IQANK1: variants seen among roughly 807,000 people sequenced by gnomAD.
IQANK1 encodes IQ motif and ankyrin repeat domain-containing protein 1.
IQANK1 carries 30 observed loss-of-function variants against 22.6 expected under a neutral mutation model. That is an observed-to-expected ratio of 1.33 (90% CI 0.99 to 1.80). The LOEUF (loss-of-function observed/expected upper bound fraction) is 1.80, where lower values mean the gene tolerates loss of function less well. Ranked by LOEUF, IQANK1 falls within the 40% of genes most tolerant of loss-of-function variation. The pLI, the probability that IQANK1 is intolerant of heterozygous loss-of-function variation, is 0.00. For synonymous variants in IQANK1, 122 were observed against 99.6 expected, an observed-to-expected ratio of 1.23 and a Z score of -1.34; for missense variants, 275 against 235.2, an observed-to-expected ratio of 1.17 and a Z score of -1.11.
At position 143,771,759 on chromosome 8, in the gene IQANK1, G is replaced by T; in HGVS notation, c.307-42G>T. 1 of 397,362 alleles carries T rather than the reference G, an allele frequency of 2.5e-6. No homozygotes were observed. The highest frequency in any genetic ancestry group is 1.3e-4 in the South Asian group (1 of 7,770). The allele number at this position is 397,362 out of a possible 1,614,324, so 24.6% of individuals were successfully genotyped here. The stretch of plus-strand genomic sequence containing the variant: ...GGACCGTGGCCTCGGGGCTCGGGGC[G>T]GTGGCGCGGAGTGGGCGGTGACTTC... On this transcript the variant is annotated intron_variant, in intron 4 of 13. Transcript: ENST00000527139. This position sits in a 1 kb window ranked among gnomAD's most constrained non-coding sequence, Gnocchi z 6.0.
At chr8:143,751,664 G>GTATATATATATATATATATATA (rs71318622) in intron 3 of IQANK1, among the ~76,000 whole-genome samples, 3,654 of 61,240 alleles carry the variant, frequency 0.06, 363 homozygotes, top group South Asian at 0.1. Flanking sequence ...GTGTGTGTGT[G>GTATATATATATATATATATATA]TATATATATA....
intron 3 of IQANK1, among the ~76,000 whole-genome samples, chr8:143,741,337 G>T (rs1818908131): frequency 6.6e-6 from 1 of 152,162 alleles, no homozygotes; most frequent in South Asian, 2.1e-4. Flanking sequence ...AGGCCACAGA[G>T]CCAGGAGCTG....
rs1819203779 is a variant in IQANK1, at chr8:143,751,949, A to T, written c.175+12001A>T. ...TTGCCAGTTTTTTTTTTCTTTTAGC[A>T]CTTTATTTATTATTCTTATTATTTT... On this transcript the variant is annotated intron_variant, in intron 3 of 13. Coordinates refer to ENST00000527139, the MANE Select transcript of IQANK1 (RefSeq NM_001381874.1). Among the ~76,000 whole-genome samples, 4 of 150,164 alleles carry T rather than the reference A, an allele frequency of 2.7e-5. No individual in the cohort carries two copies. The Admixed American group carries it at 2.7e-4, about 10-fold the overall frequency.
chr8:143,784,871 T>G (rs1819858239), intron 7 of IQANK1, among the ~76,000 whole-genome samples: 1 of 152,248 alleles, frequency 6.6e-6, no homozygotes, highest in African/African-American at 2.4e-5. Flanking sequence ...TGTTTGATGA[T>G]CAGCACTAGT....
chr8:143,749,978 CT>C (rs1554627861), intron 3 of IQANK1, among the ~76,000 whole-genome samples: 1 of 151,072 alleles, frequency 6.6e-6, no homozygotes, highest in East Asian at 1.9e-4. Flanking sequence ...CTCTTGTGAA[CT>C]TTTTTTTAAA....
At chr8:143,749,947 A>G (rs937792708) in intron 3 of IQANK1, among the ~76,000 whole-genome samples, 1 of 150,784 alleles carries the variant, frequency 6.6e-6, no homozygotes, top group African/African-American at 2.4e-5. Flanking sequence ...ACTTTTTTTG[A>G]TATATAATGT....
chr8:143,747,029 A>G (rs1819045289), intron 3 of IQANK1, among the ~76,000 whole-genome samples: 2 of 152,080 alleles, frequency 1.3e-5, no homozygotes, highest in East Asian at 1.9e-4. Context: ...ACAGGTGCCC[A>G]CCACCACGCC....
chr8:143,739,636 T>TCGCCTGTGCCTCCCTGAGGC (rs1394573890), intron 2 of IQANK1: 9 of 433,976 alleles, frequency 2.1e-5, no homozygotes, highest in Admixed American at 1.3e-4. Context: ...GGGCTGGCTC[T>TCGCCTGTGCCTCCCTGAGGC]CGCCTGTGCC....
chr8:143,739,863 G>T lies in IQANK1; in HGVS notation c.90G>T (p.Lys30Asn), dbSNP rs369484260. 3.6e-5 allele frequency: 25 copies of T among 694,926 alleles called. No homozygotes were observed. In the East Asian group the frequency reaches 6.3e-4, roughly 18 times the overall value. The allele number at this position is 694,926 out of a possible 1,614,324, so 43.0% of individuals were successfully genotyped here. The change falls in exon 3 of 14, where the codon AAG (lysine) becomes AAT (asparagine). Residue 30 changes from lysine to asparagine, a missense_variant. Coordinates refer to ENST00000527139, the MANE Select transcript of IQANK1 (RefSeq NM_001381874.1). ...CTGACGGTCGTTTTCCCTTAGGGAA[G>T]CCCGGGGAGAACCGCCCGCCGCAGA... ...PGPKTRAAAG[K>N]PGENRPPQRK... is the part of the protein sequence containing the mutation.
In IQANK1 at chr8:143,773,315, AACAAAAAAAAC is replaced by A. The variant is rs1356527468; in HGVS notation, c.789+846_789+856del. ...GAGTGAGACTCAAAAAAAAAAAAAA[AACAAAAAAAAC>A]ACAAAAAAAACAGAGTCTGCCCTGG... On this transcript the variant is annotated intron_variant, in intron 7 of 13. Transcript: ENST00000527139. 1.0e-3 allele frequency among the ~76,000 whole-genome samples: 141 copies of A among 140,038 alleles called. 1 individual carries two copies. The highest frequency in any genetic ancestry group is 3.9e-3 in the African/African-American group (124 of 31,630). The allele number at this position is 140,038 out of a possible 152,430, so 91.9% of individuals were successfully genotyped here. A position where few individuals can be genotyped will look rare whatever the true frequency, so the allele number is the denominator to read the frequency against.
chr8:143,773,307 A>AAC (rs1563777376), intron 7 of IQANK1, among the ~76,000 whole-genome samples: 1 of 143,228 alleles, frequency 7.0e-6, no homozygotes, highest in African/African-American at 2.9e-5. Context: ...ACTCAAAAAA[A>AAC]AAAAAAAAAC....
chr8:143,749,529 TA>T (rs1228478557), intron 3 of IQANK1, among the ~76,000 whole-genome samples: 1 of 136,988 alleles, frequency 7.3e-6, no homozygotes, highest in Non-Finnish European at 1.5e-5. Flanking sequence ...ATATATCACA[TA>T]AAAATATATG....
intron 3 of IQANK1, among the ~76,000 whole-genome samples, chr8:143,752,640 T>G (rs1381156643): frequency 6.6e-6 from 1 of 152,224 alleles, no homozygotes; most frequent in Non-Finnish European, 1.5e-5. Flanking sequence ...ATTTTTACTG[T>G]ACTTTTTATG....
Position 143,743,932 on chromosome 8 carries a change from C to G in IQANK1, c.175+3984C>G, listed in dbSNP as rs1554626956. ...CACTGCTACCTCCGCCTCCCAGGTT[C>G]AGGCAATTCTCCTGCCTCAGCCTCC... On this transcript the variant is annotated intron_variant, in intron 3 of 13. Transcript: ENST00000527139. 7.4e-6 allele frequency: 3 copies of G among 403,832 alleles called. No individual in the cohort carries two copies. In the Admixed American group the frequency reaches 8.6e-5, roughly 12 times the overall value. The allele number at this position is 403,832 out of a possible 1,614,324, so 25.0% of individuals were successfully genotyped here.
intron 2 of IQANK1, 42 bp from the exon 3 acceptor site, chr8:143,739,817 G>A (rs557067253): frequency 5.6e-5 from 38 of 678,156 alleles, no homozygotes; most frequent in South Asian, 5.4e-4. Context: ...ATGGGGATGG[G>A]GGTCTCTCAT....
At chr8:143,741,926 T>G (rs1461920687) in intron 3 of IQANK1, 4 of 212,738 alleles carry the variant, frequency 1.9e-5, no homozygotes, top group African/African-American at 9.0e-5. Context: ...GGACCTGCTC[T>G]AGATCCATCT....
chr8:143,745,348 C>T (rs1682238893), intron 3 of IQANK1: 1 of 152,222 alleles, frequency 6.6e-6, no homozygotes, highest in African/African-American at 2.4e-5. Flanking sequence ...CTGTTTTCCC[C>T]AATATCAACC....
rs71318622 is a variant in IQANK1, at chr8:143,751,664, G to GTATATATATATATATATA, written c.175+11730_175+11731insTATATATATATATATATA. 9.0e-3 allele frequency among the ~76,000 whole-genome samples: 555 copies of GTATATATATATATATATA among 61,504 alleles called. 30 individuals are homozygous for GTATATATATATATATATA. The highest frequency in any genetic ancestry group is 0.029 in the South Asian group (41 of 1,424). The allele number at this position is 61,504 out of a possible 152,430, so 40.3% of individuals were successfully genotyped here. On this transcript the variant is annotated intron_variant, in intron 3 of 13. Transcript: ENST00000527139. ...TGTGTGTGTGTGTGTGTGTGTGTGT[G>GTATATATATATATATATA]TATATATATATATAAAATCCTATAC...
At chr8:143,743,846 C>CTTTTTT in intron 3 of IQANK1, 2 of 379,154 alleles carry the variant, frequency 5.3e-6, no homozygotes, top group Non-Finnish European at 1.0e-5. Flanking sequence ...GATTCTTTTT[C>CTTTTTT]TTTTTTTTTT....
Sources: allele counts gnomAD v4.1 joint callset (sites outside exome capture counted in the v4.1 genomes callset), GRCh38; gene constraint gnomAD v4.1.1; non-coding constraint Gnocchi (gnomAD v3.1); transcripts MANE v1.5; gene names NCBI Gene and HGNC (gene_info 2026-07-23, HGNC 2026-07-21).